Variants in ASIC2 observed in about 807,000 individuals in gnomAD.
ASIC2 encodes the protein acid-sensing ion channel 2.
Under a neutral mutation model 57.3 loss-of-function variants are expected in ASIC2, and 25 were observed. The ratio of observed to expected loss-of-function variants is 0.44; its 90% CI spans 0.32 to 0.61. ASIC2 has a LOEUF of 0.61. Among genes scored for constraint, ASIC2 ranks in the 20% least tolerant of loss-of-function variants. ASIC2 has a pLI of 0.06. For missense variants in ASIC2, 641 were observed against 738.1 expected, an observed-to-expected ratio of 0.87 and a Z score of 1.52; for synonymous variants, 319 against 307.5, an observed-to-expected ratio of 1.04 and a Z score of -0.39.
chr17:33,814,488 G>A (rs1354779693), intron 1 of ASIC2, among the ~76,000 whole-genome samples: 1 of 152,178 alleles, frequency 6.6e-6, no homozygotes, highest in Non-Finnish European at 1.5e-5. Context: ...TTTATTGATT[G>A]ACTCTTCATA....
At chr17:33,910,333 C>T in intron 1 of ASIC2, among the ~76,000 whole-genome samples, 1 of 152,122 alleles carries the variant, frequency 6.6e-6, no homozygotes, top group East Asian at 1.9e-4. Context: ...ATCTCAGGCT[C>T]AGAGAGGTTA....
chr17:33,726,822 G>A (rs763785096), intron 1 of ASIC2, among the ~76,000 whole-genome samples: 34 of 152,198 alleles, frequency 2.2e-4, no homozygotes, highest in Non-Finnish European at 4.3e-4. Flanking sequence ...TATTTGGAAA[G>A]GTGTGACCTC....
At chr17:33,579,169 C>T (rs1179381710) in intron 1 of ASIC2, among the ~76,000 whole-genome samples, 1 of 151,522 alleles carries the variant, frequency 6.6e-6, no homozygotes, top group Non-Finnish European at 1.5e-5. Context: ...GCCTGTAATC[C>T]CAGCTACTTG....
intron 1 of ASIC2, among the ~76,000 whole-genome samples, chr17:33,240,298 A>G (rs35092670): frequency 0.17 from 25,714 of 152,018 alleles, 2,777 homozygotes; most frequent in Non-Finnish European, 0.23. Context: ...GAGCAGCTTC[A>G]CACATCAGAC....
intron 1 of ASIC2, among the ~76,000 whole-genome samples, chr17:33,566,320 T>C (rs962212782): frequency 2.6e-5 from 4 of 152,192 alleles, no homozygotes; most frequent in Non-Finnish European, 4.4e-5. Context: ...CCTTTTATTT[T>C]TCCTATAAAG....
At chr17:33,557,854 C>T (rs1022772138) in intron 1 of ASIC2, among the ~76,000 whole-genome samples, 12 of 152,160 alleles carry the variant, frequency 7.9e-5, no homozygotes, top group African/African-American at 2.9e-4. Context: ...AGCTACCATC[C>T]TAGCATAATC....
At chr17:33,295,294 G>T (rs1482844348), upstream of ASIC2, among the ~76,000 whole-genome samples, 1 of 152,286 alleles carries the variant, frequency 6.6e-6, no homozygotes, top group South Asian at 2.1e-4. Context: ...GCCTCAAGGG[G>T]CCTTGACACA....
intron 1 of ASIC2, among the ~76,000 whole-genome samples, chr17:33,956,149 G>A (rs1313654330): frequency 6.6e-6 from 1 of 152,154 alleles, no homozygotes; most frequent in Non-Finnish European, 1.5e-5. Flanking sequence ...ACTGAATAAA[G>A]GAAAGTCTTA....
At chr17:33,432,820 C>T (rs1490995018) in intron 1 of ASIC2, among the ~76,000 whole-genome samples, 1 of 152,120 alleles carries the variant, frequency 6.6e-6, no homozygotes, top group Admixed American at 6.5e-5. Context: ...CATCTCTGAC[C>T]ATCAGAGAAA....
intron 1 of ASIC2, among the ~76,000 whole-genome samples, chr17:33,530,636 G>A (rs3963363): frequency 0.71 from 108,486 of 152,152 alleles, 38,843 homozygotes; most frequent in African/African-American, 0.79. Flanking sequence ...TTTTTTCAAG[G>A]AGACTGTGTT....
chr17:33,768,157 T>C (rs557879030), intron 1 of ASIC2, among the ~76,000 whole-genome samples: 97 of 152,084 alleles, frequency 6.4e-4, no homozygotes, highest in African/African-American at 2.2e-3. Context: ...TACGGGCGCC[T>C]GCCACCGCGC....
chr17:33,771,922 C>A (rs934075277), intron 1 of ASIC2, among the ~76,000 whole-genome samples: 2 of 152,068 alleles, frequency 1.3e-5, no homozygotes, highest in Non-Finnish European at 2.9e-5. Context: ...TAAATGTAGA[C>A]TGTATATATA....
chr17:34,009,755 C>A (rs562409164), intron 1 of ASIC2, among the ~76,000 whole-genome samples: 8 of 152,274 alleles, frequency 5.3e-5, no homozygotes, highest in Non-Finnish European at 4.4e-5. Context: ...TCAGCTCTTG[C>A]CCATCTCATT....
At chr17:33,774,742 C>T (rs1597870912) in intron 1 of ASIC2, among the ~76,000 whole-genome samples, 1 of 152,294 alleles carries the variant, frequency 6.6e-6, no homozygotes, top group East Asian at 1.9e-4. Flanking sequence ...TAGAATTCTG[C>T]TAGTAAAGAA....
rs1289022169 is a variant in ASIC2 at position 33,992,709 on chromosome 17, C to T, written c.555+163269G>A. Among the ~76,000 whole-genome samples the T allele has an allele frequency of 3.9e-5, 6 of 152,204 alleles. No homozygotes were observed. In the South Asian group the frequency reaches 1.2e-3, roughly 31 times the overall value. On this transcript the variant is annotated intron_variant, in intron 1 of 9. Transcript: ENST00000359872. ...TTTATAACAGAGAAATCGGCAAACA[C>T]TACAAATCAGGATTTGTTTCTTCCC...
chr17:33,428,656 C>T (rs1911298960), intron 1 of ASIC2, among the ~76,000 whole-genome samples: 1 of 152,148 alleles, frequency 6.6e-6, no homozygotes, highest in Admixed American at 6.5e-5. Context: ...GGTAAATCCA[C>T]TTTCCACAGT....
chr17:33,986,507 G>T (rs140513088), intron 1 of ASIC2, among the ~76,000 whole-genome samples: 1 of 151,916 alleles, frequency 6.6e-6, no homozygotes, highest in East Asian at 1.9e-4. Flanking sequence ...AATCCTTCTG[G>T]GCCTATTCAT....
intron 1 of ASIC2, among the ~76,000 whole-genome samples, chr17:33,424,995 A>C (rs375638513): frequency 6.6e-6 from 1 of 152,366 alleles, no homozygotes; most frequent in East Asian, 1.9e-4. Flanking sequence ...GGAAATGCAC[A>C]TTTATTAACC....
intron 1 of ASIC2, among the ~76,000 whole-genome samples, chr17:33,203,127 T>C (rs1906940350): frequency 1.3e-5 from 2 of 152,210 alleles, no homozygotes; most frequent in African/African-American, 4.8e-5. Flanking sequence ...TAGGAGCCCA[T>C]GGCCCCTTTC....
Sources: gnomAD v4.1 joint callset for allele counts (sites outside exome capture counted in the v4.1 genomes callset) on GRCh38, gnomAD v4.1.1 for gene constraint, MANE v1.5 for transcripts, NCBI Gene and HGNC (gene_info 2026-07-23, HGNC 2026-07-21) for gene names.